The following OSBPL9 variants were observed in gnomAD, a reference collection of about 807,000 sequenced individuals.
OSBPL9 encodes the protein oxysterol-binding protein-related protein 9.
A neutral mutation model predicts 106.6 loss-of-function variants in OSBPL9; 40 were observed. The observed-to-expected ratio is 0.38, with a 90% CI of 0.29 to 0.49. OSBPL9 has a LOEUF of 0.49. Among genes scored for constraint, OSBPL9 ranks in the 20% least tolerant of loss-of-function variants. The probability of loss-of-function intolerance (pLI) is 0.97; values close to 1 mark genes in which losing one functional copy is unlikely to be tolerated. For synonymous variants in OSBPL9, 269 were observed against 295.4 expected, an observed-to-expected ratio of 0.91 and a Z score of 0.92; for missense variants, 609 against 887.2, an observed-to-expected ratio of 0.69 and a Z score of 3.98.
chr1:51,707,250 G>A (rs12069786), intron 3 of OSBPL9: 1 of 280,864 alleles, frequency 3.6e-6, no homozygotes, highest in Non-Finnish European at 7.5e-6. Flanking sequence ...GAGGGCAGTG[G>A]TGGCCCCATC....
At chr1:51,578,805 A>G (rs1036461569) in intron 1 of OSBPL9, among the ~76,000 whole-genome samples, 7 of 152,210 alleles carry the variant, frequency 4.6e-5, no homozygotes, top group Non-Finnish European at 2.9e-5. Flanking sequence ...GGATAAGTAA[A>G]CAAACAGTAA....
At chr1:51,523,565 A>G in the OSBPL9 span, among the ~76,000 whole-genome samples, 2 of 152,142 alleles carry the variant, frequency 1.3e-5, no homozygotes, top group Admixed American at 6.5e-5. Flanking sequence ...TCTGATTCAA[A>G]TGCGCTTTTT....
intron 4 of OSBPL9, among the ~76,000 whole-genome samples, chr1:51,726,986 C>T (rs913928282): frequency 6.6e-6 from 1 of 152,156 alleles, no homozygotes; most frequent in Non-Finnish European, 1.5e-5. Flanking sequence ...CAACAAATAG[C>T]TATCTGTAGT....
intron 1 of OSBPL9, among the ~76,000 whole-genome samples, chr1:51,640,899 G>A (rs902353000): frequency 3.3e-5 from 5 of 150,518 alleles, no homozygotes; most frequent in Admixed American, 2.0e-4. Flanking sequence ...TCCTTCCACC[G>A]CAGCCCCCTG....
chr1:51,743,558 G>A (rs1667370824), intron 4 of OSBPL9, among the ~76,000 whole-genome samples: 1 of 152,094 alleles, frequency 6.6e-6, no homozygotes, highest in South Asian at 2.1e-4. Flanking sequence ...AATACTTAAA[G>A]ATCACTTTTC....
chr1:51,530,841 C>A, the OSBPL9 span, among the ~76,000 whole-genome samples: 6 of 150,328 alleles, frequency 4.0e-5, no homozygotes, highest in East Asian at 1.2e-3. Context: ...CTAAAAATAT[C>A]AAAATGCCTG....
chr1:51,752,443 A>T, intron 8 of OSBPL9: 1 of 441,376 alleles, frequency 2.3e-6, no homozygotes, highest in Non-Finnish European at 4.6e-6. Context: ...GCCTCGTATC[A>T]CTAGTCAAGT....
chr1:51,670,475 T>C (rs1649613712), intron 3 of OSBPL9, among the ~76,000 whole-genome samples: 1 of 152,218 alleles, frequency 6.6e-6, no homozygotes, highest in South Asian at 2.1e-4. Context: ...AGATATGTTA[T>C]ATGAGGTGTT....
intron 3 of OSBPL9, among the ~76,000 whole-genome samples, chr1:51,683,904 T>C (rs923336931): frequency 1.3e-5 from 2 of 152,212 alleles, no homozygotes; most frequent in Non-Finnish European, 2.9e-5. Context: ...GAGAGTAGAA[T>C]GGTGGTTACC....
At chr1:51,742,174 T>A (rs1415594376) in intron 4 of OSBPL9, among the ~76,000 whole-genome samples, 1 of 152,196 alleles carries the variant, frequency 6.6e-6, no homozygotes, top group Non-Finnish European at 1.5e-5. Flanking sequence ...ATGGCATAGT[T>A]CCTGCCCTTG....
chr1:51,774,109 A>G (rs532556048), intron 14 of OSBPL9, among the ~76,000 whole-genome samples: 1 of 152,254 alleles, frequency 6.6e-6, no homozygotes, highest in East Asian at 1.9e-4. Context: ...GGTTTAAATG[A>G]ATCCACATTC....
chr1:51,578,232 A>G (rs987214285), intron 1 of OSBPL9, among the ~76,000 whole-genome samples: 15 of 152,210 alleles, frequency 9.9e-5, no homozygotes, highest in African/African-American at 3.6e-4. Flanking sequence ...GACAAATGTT[A>G]ATTGATTCTA....
At chr1:51,622,820 C>T (rs1345679114) in intron 1 of OSBPL9, among the ~76,000 whole-genome samples, 1 of 152,192 alleles carries the variant, frequency 6.6e-6, no homozygotes, top group African/African-American at 2.4e-5. Flanking sequence ...AGAGACAAGC[C>T]ATTAAATTCC....
the OSBPL9 span, chr1:51,566,338 G>T: frequency 6.6e-6 from 1 of 152,224 alleles, no homozygotes; most frequent in African/African-American, 2.4e-5. Flanking sequence ...CTGATGTCAG[G>T]TTTCTTGTCT....
chr1:51,722,345 C>A lies in OSBPL9; in HGVS notation c.318+8266C>A, dbSNP rs181665228. 2.7e-3 allele frequency among the ~76,000 whole-genome samples: 407 copies of A among 152,222 alleles called. 2 individuals carry two copies. The highest frequency in any genetic ancestry group is 4.3e-3 in the Non-Finnish European group (290 of 68,016). The stretch of plus-strand genomic sequence containing the variant: ...ATAAAGTGACCAACACAGAATGTTA[C>A]CTGTAAAAATCAGAGCAATAATTGC... On this transcript the variant is annotated intron_variant, in intron 4 of 23. Transcript: ENST00000428468.
the OSBPL9 span, among the ~76,000 whole-genome samples, chr1:51,526,578 A>G: frequency 6.6e-6 from 1 of 152,102 alleles, no homozygotes; most frequent in Non-Finnish European, 1.5e-5. Context: ...TGTTTATGTC[A>G]TTGGGGAAAG....
intron 2 of OSBPL9, among the ~76,000 whole-genome samples, chr1:51,666,004 T>G (rs921323940): frequency 1.3e-5 from 2 of 151,964 alleles, no homozygotes; most frequent in African/African-American, 4.8e-5. Flanking sequence ...TGCGCCACCA[T>G]GCCTGGCTAA....
At position 51,788,625 on chromosome 1, in the gene OSBPL9, C is replaced by T. The variant is rs1227626690; in HGVS notation, c.*836C>T. Among the ~76,000 whole-genome samples, 1 of 152,154 alleles carries T rather than the reference C, an allele frequency of 6.6e-6. No individual in the cohort carries two copies. Among genetic ancestry groups the T allele is most frequent in the African/African-American group, 2.4e-5 (1 of 41,436 alleles). Reference sequence around the variant, plus strand: ...TGTATGTTCTGTCTTTAGCCCCTGCCAGGCAATTCCCCAGAATCTTCACTT... The same window carrying T: ...TGTATGTTCTGTCTTTAGCCCCTGCTAGGCAATTCCCCAGAATCTTCACTT... On this transcript the variant is annotated 3_prime_UTR_variant, in exon 24 of 24. Coordinates refer to ENST00000428468, the MANE Select transcript of OSBPL9 (RefSeq NM_024586.6).
Position 51,679,259 on chromosome 1 carries a change from G to A in OSBPL9, c.241+9747G>A, listed in dbSNP as rs76418578. Among the ~76,000 whole-genome samples, 212 of 152,238 alleles carry A rather than the reference G, an allele frequency of 1.4e-3. 1 individual carries two copies. The highest frequency in any genetic ancestry group is 5.0e-3 in the African/African-American group (206 of 41,556). On this transcript the variant is annotated intron_variant, in intron 3 of 23. Coordinates refer to ENST00000428468, the MANE Select transcript of OSBPL9 (RefSeq NM_024586.6). Reference sequence around the variant, plus strand: ...ATCTTTCCAGGTTTAACTAATTAGGGACTGTTTGGCTTAATAGCTAGCAAG... The same window carrying A: ...ATCTTTCCAGGTTTAACTAATTAGGAACTGTTTGGCTTAATAGCTAGCAAG...
Sources: gnomAD v4.1 joint callset for allele counts (sites outside exome capture counted in the v4.1 genomes callset) on GRCh38, gnomAD v4.1.1 for gene constraint, MANE v1.5 for transcripts, NCBI Gene and HGNC (gene_info 2026-07-23, HGNC 2026-07-21) for gene names.